Variants in RAB11FIP1 observed in about 807,000 individuals in gnomAD.
RAB11FIP1 encodes the protein rab11 family-interacting protein 1.
A neutral mutation model predicts 83.1 loss-of-function variants in RAB11FIP1; 49 were observed. The ratio of observed to expected loss-of-function variants is 0.59; its 90% CI spans 0.47 to 0.75. The LOEUF is 0.75. RAB11FIP1 is among the 30% of genes least tolerant of loss of function. RAB11FIP1 has a pLI of 0.00. For synonymous variants in RAB11FIP1, 670 were observed against 656.0 expected (o/e 1.02, Z -0.33); for missense variants, 1,536 against 1,598.7 (o/e 0.96, Z 0.67).
intron 5 of RAB11FIP1, among the ~76,000 whole-genome samples, chr8:37,868,483 T>C (rs1455757978): frequency 6.6e-6 from 1 of 150,716 alleles, no homozygotes; most frequent in East Asian, 1.9e-4. Context: ...CTGTAAAATA[T>C]ATGATGGAAT....
At position 37,860,339 on chromosome 8, in the gene RAB11FIP1, CTTTT is replaced by C. The variant is rs1403897861; in HGVS notation, c.*2552_*2555del. The C allele has an allele frequency of 2.0e-5, 3 of 152,500 alleles. No homozygotes were observed. The highest frequency in any genetic ancestry group is 4.4e-5 in the Non-Finnish European group (3 of 68,168). The allele number at this position is 152,500 out of a possible 1,614,324, so 9.4% of individuals were successfully genotyped here. A position where few individuals can be genotyped will look rare whatever the true frequency, so the allele number is the denominator to read the frequency against. On this transcript the variant is annotated 3_prime_UTR_variant, in exon 6 of 6. Coordinates refer to ENST00000330843, the MANE Select transcript of RAB11FIP1 (RefSeq NM_001002814.3). The stretch of plus-strand genomic sequence containing the variant: ...ATGCAGGACAAATATATACATGTAC[CTTTT>C]CTTTCTTTCTTTTTTTTGAGACAGA...
intron 1 of RAB11FIP1, among the ~76,000 whole-genome samples, chr8:37,889,026 T>C (rs1340199102): frequency 2.0e-5 from 3 of 151,798 alleles, no homozygotes; most frequent in Non-Finnish European, 2.9e-5. Flanking sequence ...CTCGATCTCC[T>C]GACCTCGTGA....
In RAB11FIP1 at chr8:37,861,082, G is replaced by A. The variant is rs1449380762; in HGVS notation, c.*1813C>T. Reference sequence around the variant, plus strand: ...TTCTATCATAGCCAGGGAAAAAAATGAGAAATACCAGAAACATTCTAATTC... The same window carrying A: ...TTCTATCATAGCCAGGGAAAAAAATAAGAAATACCAGAAACATTCTAATTC... On this transcript the variant is annotated 3_prime_UTR_variant, in exon 6 of 6. Transcript: ENST00000330843. The A allele has an allele frequency of 1.3e-5, 2 of 152,824 alleles. No individual in the cohort carries two copies. The highest frequency in any genetic ancestry group is 2.4e-5 in the African/African-American group (1 of 41,350). The allele number at this position is 152,824 out of a possible 1,614,324, so 9.5% of individuals were successfully genotyped here. A position where few individuals can be genotyped will look rare whatever the true frequency, so the allele number is the denominator to read the frequency against.
chr8:37,881,627 T>C (rs781233892), intron 1 of RAB11FIP1, among the ~76,000 whole-genome samples: 3 of 152,248 alleles, frequency 2.0e-5, no homozygotes, highest in Non-Finnish European at 2.9e-5. Flanking sequence ...AAATCTTTTA[T>C]GGTTTTTATA....
At chr8:37,866,494 C>T (rs1806344737) in intron 5 of RAB11FIP1, among the ~76,000 whole-genome samples, 2 of 152,144 alleles carry the variant, frequency 1.3e-5, no homozygotes, top group South Asian at 4.1e-4. Flanking sequence ...TTTCCTTTTA[C>T]ATAGTTGTGA....
chr8:37,873,247 C>T (rs1806521969), intron 3 of RAB11FIP1, 68 bp from the exon 4 acceptor site: 3 of 1,479,542 alleles, frequency 2.0e-6, no homozygotes, highest in Non-Finnish European at 2.7e-6. Context: ...AGAAAATACA[C>T]AAAAACAAGT....
intron 1 of RAB11FIP1, among the ~76,000 whole-genome samples, chr8:37,879,045 C>T (rs1050497976): frequency 2.0e-5 from 3 of 152,106 alleles, no homozygotes; most frequent in East Asian, 1.9e-4. Flanking sequence ...CAGTGGCTCA[C>T]GCCTGTGATA....
At position 37,862,905 on chromosome 8, in the gene RAB11FIP1, C is replaced by G. The variant is rs1806267806; in HGVS notation, c.3842G>C (p.Gly1281Ala). 5 of 1,609,708 alleles carry G rather than the reference C, an allele frequency of 3.1e-6. No individual in the cohort carries two copies. Among genetic ancestry groups the G allele is most frequent in the Non-Finnish European group, 3.4e-6 (4 of 1,177,050 alleles). The change falls in exon 6 of 6, where the codon GGA becomes GCA. Residue 1281 changes from glycine to alanine, a missense_variant. Physicochemically the swap from Gly to Ala is moderately conservative, Grantham distance 60. Transcript: ENST00000330843. ...TTTTTTTCTGCTGATTTACATCTTT[C>G]CTGCTTTTTTGCCAACCTGAGTCGG... The part of the protein sequence containing the change: ...RIPTQVGKKA[G>A]KM
At position 37,871,593 on chromosome 8, in the gene RAB11FIP1, C is replaced by T; in HGVS notation, c.3209G>A (p.Ser1070Asn). 1 of 1,601,854 alleles carries T rather than the reference C, an allele frequency of 6.2e-7. No individual in the cohort carries two copies. Among genetic ancestry groups the T allele is most frequent in the Non-Finnish European group, 8.5e-7 (1 of 1,172,084 alleles). ...CATCGGTTTTTCTTCCTCACCACCACTGGGGCCTGGCAGCTGTTTATCCAA... is the reference window on the plus strand; with the variant it reads ...CATCGGTTTTTCTTCCTCACCACCATTGGGGCCTGGCAGCTGTTTATCCAA... ...SSLDKQLPGPSGGEEEKPMGN... is the reference protein window; with the variant it reads ...SSLDKQLPGPNGGEEEKPMGN... Residue 1070 changes from serine (S) to asparagine (N), a missense_variant, in exon 4 of 6, where the codon AGT becomes AAT. Ser to Asn is a conservative substitution (Grantham distance 46). Coordinates refer to ENST00000330843, the MANE Select transcript of RAB11FIP1 (RefSeq NM_001002814.3).
chr8:37,868,223 A>T (rs946109011), intron 5 of RAB11FIP1, among the ~76,000 whole-genome samples: 2 of 152,138 alleles, frequency 1.3e-5, no homozygotes, highest in Non-Finnish European at 2.9e-5. Context: ...GGAGTTCGAG[A>T]CCAGCCTGGC....
In RAB11FIP1 at chr8:37,872,835, A is replaced by C; in HGVS notation, c.1967T>G (p.Phe656Cys). 3 of 1,614,184 alleles carry C rather than the reference A, an allele frequency of 1.9e-6. No homozygotes were observed. The highest frequency in any genetic ancestry group is 2.5e-6 in the Non-Finnish European group (3 of 1,180,028). ...ATTTGCTGGAAAGGATGGCTGTTTGAAAAGTGATCCCAGGGCAGAAGAACC... is the reference window on the plus strand; with the variant it reads ...ATTTGCTGGAAAGGATGGCTGTTTGCAAAGTGATCCCAGGGCAGAAGAACC... Reference protein sequence around the residue: ...NSGSSALGSLFKQPSFPANKG... With the variant: ...NSGSSALGSLCKQPSFPANKG... The change falls in exon 4 of 6, where the codon TTC (phenylalanine) becomes TGC (cysteine). Residue 656 changes from phenylalanine to cysteine, a missense_variant. Phe to Cys is a radical substitution (Grantham distance 205). Coordinates refer to ENST00000330843, the MANE Select transcript of RAB11FIP1 (RefSeq NM_001002814.3).
rs1806488119 is a variant in RAB11FIP1, at chr8:37,872,373, G to GAC, written c.2427_2428dup (p.Ser810CysfsTer30). The GAC allele has an allele frequency of 6.2e-7, 1 of 1,614,092 alleles. No individual in the cohort carries two copies. Among genetic ancestry groups the GAC allele is most frequent in the African/African-American group, 1.3e-5 (1 of 74,936 alleles). On this transcript the variant is annotated frameshift_variant, in exon 4 of 6. Transcript: ENST00000330843. LOFTEE classifies it high-confidence loss of function. The stretch of plus-strand genomic sequence containing the variant: ...TTCCGTGAAGAGCTGCTCAGAAAAT[G>GAC]ACACACGCTTCTTGGTTTTCTTCTG...
chr8:37,880,718 T>A lies in RAB11FIP1; in HGVS notation c.372-3167A>T, dbSNP rs559589632. ...TCAAGGCTGTAGTAAGAGCTATGAT[T>A]GCACCACTGCACTCCAGCCTGCGCA... is the stretch of plus-strand genomic sequence containing the variant. On this transcript the variant is annotated intron_variant, in intron 1 of 5. Coordinates refer to ENST00000330843, the MANE Select transcript of RAB11FIP1 (RefSeq NM_001002814.3). Among the ~76,000 whole-genome samples, 26 of 149,260 alleles carry A rather than the reference T, an allele frequency of 1.7e-4. 1 individual carries two copies. The East Asian group carries it at 2.0e-3, about 11-fold the overall frequency.
chr8:37,862,706 G>A lies in RAB11FIP1; in HGVS notation c.*189C>T. ...CATTTAAAACTAAAGCCTTGGGAAT[G>A]TACAGTAAAAGATTAATTGTAATCA... On this transcript the variant is annotated 3_prime_UTR_variant, in exon 6 of 6. Transcript: ENST00000330843. 1.7e-6 allele frequency: 1 copy of A among 572,706 alleles called. No individual in the cohort carries two copies. The highest frequency in any genetic ancestry group is 2.1e-5 in the South Asian group (1 of 46,852). 35.5% of individuals were successfully genotyped at this position (572,706 alleles called of 1,614,324 possible). A position where few individuals can be genotyped will look rare whatever the true frequency, so the allele number is the denominator to read the frequency against.
chr8:37,894,701 C>CATATATATACATATATATATACATATAT (rs1585450267), intron 1 of RAB11FIP1, among the ~76,000 whole-genome samples: 1 of 144,312 alleles, frequency 6.9e-6, no homozygotes, highest in East Asian at 1.9e-4. Context: ...TACATAAATA[C>CATATATATACATATATATATACATATAT]ATATATATAC....
chr8:37,885,226 T>G (rs1806808693), intron 1 of RAB11FIP1, among the ~76,000 whole-genome samples: 1 of 151,708 alleles, frequency 6.6e-6, no homozygotes, highest in Non-Finnish European at 1.5e-5. Context: ...AACTCCTGAC[T>G]TCAGATGATC....
chr8:37,895,220 T>TAA (rs1807041211), intron 1 of RAB11FIP1, among the ~76,000 whole-genome samples: 1 of 2,794 alleles, frequency 3.6e-4, no homozygotes, highest in Non-Finnish European at 8.7e-4. Context: ...TGCCTGCCAA[T>TAA]ATATATATAT....
chr8:37,864,467 G>C (rs1467762538), intron 5 of RAB11FIP1, among the ~76,000 whole-genome samples: 3 of 152,184 alleles, frequency 2.0e-5, no homozygotes, highest in Non-Finnish European at 4.4e-5. Context: ...GGGTCTAACG[G>C]TTTCACTGCC....
rs1199260638 is a variant in RAB11FIP1 at position 37,862,363 on chromosome 8, T to C, written c.*532A>G. 3 of 153,214 alleles carry C rather than the reference T, an allele frequency of 2.0e-5. No homozygotes were observed. The highest frequency in any genetic ancestry group is 2.9e-5 in the Non-Finnish European group (2 of 68,824). The allele number at this position is 153,214 out of a possible 1,614,324, so 9.5% of individuals were successfully genotyped here. The stretch of plus-strand genomic sequence containing the variant: ...AAAACAAGACCCAAGTCTGAGAAGC[T>C]GGGTAGGTTTACATGGTATCAAAAT... On this transcript the variant is annotated 3_prime_UTR_variant, in exon 6 of 6. Coordinates refer to ENST00000330843, the MANE Select transcript of RAB11FIP1 (RefSeq NM_001002814.3).
Sources: allele counts gnomAD v4.1 joint callset (sites outside exome capture counted in the v4.1 genomes callset), GRCh38; gene constraint gnomAD v4.1.1; transcripts MANE v1.5; gene names NCBI Gene and HGNC (gene_info 2026-07-23, HGNC 2026-07-21).